SEC14L4: variants seen among roughly 807,000 people sequenced by gnomAD.
SEC14L4 encodes the protein SEC14 like lipid binding 4.
Under a neutral mutation model 55.1 loss-of-function variants are expected in SEC14L4, and 42 were observed. That is an observed-to-expected ratio of 0.76 (90% CI 0.60 to 0.99). The LOEUF (loss-of-function observed/expected upper bound fraction) is 0.99. Ranked by LOEUF, SEC14L4 falls within the 50% of genes least tolerant of loss-of-function variation. The pLI, the probability that SEC14L4 is intolerant of heterozygous loss-of-function variation, is 0.00. For synonymous variants in SEC14L4, 206 were observed against 206.8 expected, an observed-to-expected ratio of 1.00 and a Z score of 0.03; for missense variants, 445 against 512.1, an observed-to-expected ratio of 0.87 and a Z score of 1.27.
chr22:30,505,567 C>T lies in SEC14L4; in HGVS notation c.45G>A (p.Ala15=), dbSNP rs374188832. The T allele has an allele frequency of 1.3e-6, 2 of 1,568,868 alleles. No individual in the cohort carries two copies. The highest frequency in any genetic ancestry group is 8.6e-7 in the Non-Finnish European group (1 of 1,159,350). Residue 15 remains alanine (A), a synonymous_variant, in exon 1 of 12, where the codon GCG becomes GCA. Transcript: ENST00000255858. ...VGDLSPQQQE[A]LARFRENLQD... ...CCGCGATGCTCCTCACCCTGGCCAG[C>T]GCTTCCTGCTGCTGGGGGCTCAGGT...
intron 7 of SEC14L4, chr22:30,492,808 G>A (rs1265147055): frequency 2.3e-6 from 1 of 430,970 alleles, no homozygotes. Flanking sequence ...CTCAGGCCAG[G>A]CGCAGTGGCT....
At chr22:30,490,488 G>A (rs1935918470) in intron 11 of SEC14L4, among the ~76,000 whole-genome samples, 1 of 152,310 alleles carries the variant, frequency 6.6e-6, no homozygotes, top group Admixed American at 6.5e-5. Flanking sequence ...CTACATGAAG[G>A]AATCATGATG....
chr22:30,501,429 G>A (rs775980709), intron 2 of SEC14L4, among the ~76,000 whole-genome samples: 3 of 152,208 alleles, frequency 2.0e-5, no homozygotes, highest in Non-Finnish European at 4.4e-5. Context: ...TAAAGGAAGA[G>A]AGAGAGCTGA....
intron 11 of SEC14L4, among the ~76,000 whole-genome samples, chr22:30,490,591 G>A (rs890518264): frequency 6.6e-6 from 1 of 152,222 alleles, no homozygotes; most frequent in Non-Finnish European, 1.5e-5. Flanking sequence ...TGTGGCCCAC[G>A]GACACAGTAT....
Position 30,491,704 on chromosome 22 carries a change from C to T in SEC14L4, c.950G>A (p.Gly317Glu), listed in dbSNP as rs1935961278. 6.2e-7 allele frequency: 1 copy of T among 1,614,038 alleles called. No homozygotes were observed. The highest frequency in any genetic ancestry group is 1.3e-5 in the African/African-American group (1 of 74,908). The part of the protein sequence containing the change: ...FASDGGDIGF[G>E]VFLKTKMGEQ... Reference sequence around the variant, plus strand: ...CCCCATCTTGGTCTTCAGGAAAACCCCAAAGCCGATGTCCCCACCATCTGA... The same window carrying T: ...CCCCATCTTGGTCTTCAGGAAAACCTCAAAGCCGATGTCCCCACCATCTGA... Residue 317 changes from glycine (G) to glutamate (E), a missense_variant, in exon 11 of 12, where the codon GGG becomes GAG. Transcript: ENST00000255858.
rs77679347 is a variant in SEC14L4, at chr22:30,495,313, G to A, written c.364C>T (p.Arg122Trp). Residue 122 changes from arginine (R) to tryptophan (W), a missense_variant, in exon 5 of 12, where the codon CGG becomes TGG. Arg to Trp is a moderately radical substitution (Grantham distance 101, BLOSUM62 -3). Transcript: ENST00000255858. ...AGCTCACAGACTTTGATGCGCTTCC[G>A]GATCATATCCTGCTTGGAGGCTGAC... Reference protein sequence around the residue: ...LLSASKQDMIRKRIKVCELLL... With the variant: ...LLSASKQDMIWKRIKVCELLL... The A allele has an allele frequency of 0.01, 16,784 of 1,613,922 alleles. 126 individuals carry two copies. Among genetic ancestry groups the A allele is most frequent in the Middle Eastern group, 0.015 (90 of 6,060 alleles).
At chr22:30,490,618 C>T (rs1935922768) in intron 11 of SEC14L4, among the ~76,000 whole-genome samples, 1 of 152,218 alleles carries the variant, frequency 6.6e-6, no homozygotes, top group Admixed American at 6.5e-5. Flanking sequence ...ACTGCGTCCT[C>T]GCCTAGTTGC....
chr22:30,499,228 A>C (rs545414724), intron 2 of SEC14L4, among the ~76,000 whole-genome samples: 1 of 151,452 alleles, frequency 6.6e-6, no homozygotes, highest in Non-Finnish European at 1.5e-5. Flanking sequence ...ATTGGATTCT[A>C]CTACATAATA....
At position 30,495,423 on chromosome 22, in the gene SEC14L4, G is replaced by C; in HGVS notation, c.254C>G (p.Ser85Trp). 1 of 1,613,706 alleles carries C rather than the reference G, an allele frequency of 6.2e-7. No individual in the cohort carries two copies. Among genetic ancestry groups the C allele is most frequent in the South Asian group, 1.1e-5 (1 of 91,014 alleles). Residue 85 changes from serine (S) to tryptophan (W), a missense_variant, in exon 5 of 12, where the codon TCG (serine) becomes TGG (tryptophan). Coordinates refer to ENST00000255858, the MANE Select transcript of SEC14L4 (RefSeq NM_174977.4). ...GTAGTCGTAGCCACAAAGACCACCC[G>C]AGTCATACAGCTGGATGACCTGGAA... ...QPPEVIQLYD[S>W]GGLCGYDYEG...
At chr22:30,503,277 T>G (rs11702947) in intron 2 of SEC14L4, among the ~76,000 whole-genome samples, 25,483 of 151,752 alleles carry the variant, frequency 0.17, 2,629 homozygotes, top group East Asian at 0.46. Flanking sequence ...TGTTTTTTTT[T>G]TTTTGAGACG....
Position 30,497,958 on chromosome 22 carries a change from C to T in SEC14L4, c.131-1987G>A, listed in dbSNP as rs150085447. Among the ~76,000 whole-genome samples, 408 of 152,054 alleles carry T rather than the reference C, an allele frequency of 2.7e-3. 1 individual carries two copies. Among genetic ancestry groups the T allele is most frequent in the African/African-American group, 9.5e-3 (392 of 41,474 alleles). On this transcript the variant is annotated intron_variant, in intron 2 of 11. Coordinates refer to ENST00000255858, the MANE Select transcript of SEC14L4 (RefSeq NM_174977.4). ...ACCTGGAGTTTTAATTTAATTTAATCGTTACAGTTATATGTGGCTACAGGT... is the reference window on the plus strand; with the variant it reads ...ACCTGGAGTTTTAATTTAATTTAATTGTTACAGTTATATGTGGCTACAGGT...
At position 30,492,127 on chromosome 22, in the gene SEC14L4, G is replaced by A. The variant is rs145343277; in HGVS notation, c.693C>T (p.Phe231=). Residue 231 remains phenylalanine, a synonymous_variant, in exon 9 of 12, where the codon TTC becomes TTT. Transcript: ENST00000255858. The part of the protein sequence containing the change: ...GDNWKQELTK[F]ISPDQLPVEF... ...CCACAGGCAGCTGGTCGGGGCTGAT[G>A]AATTTTGTCAGCTCCTGCTTCCAGT... 675 of 1,613,612 alleles carry A rather than the reference G, an allele frequency of 4.2e-4. 2 individuals carry two copies. In the African/African-American group the frequency reaches 8.0e-3, roughly 19 times the overall value.
In SEC14L4 at chr22:30,491,914, C is replaced by A. The variant is rs575158416; in HGVS notation, c.831G>T (p.Gln277His). ...SYYLCEQVRL[Q>H]YEHTRSVGRG... is the part of the protein sequence containing the mutation. ...GGCCCACGGACCTCGTGTGCTCATA[C>A]TGCAGCCTCACCTGCTCGCACAGGT... The change falls in exon 10 of 12, where the codon CAG (glutamine) becomes CAT (histidine). Residue 277 changes from glutamine to histidine, a missense_variant. Transcript: ENST00000255858. 1.9e-6 allele frequency: 3 copies of A among 1,613,964 alleles called. No individual in the cohort carries two copies. Among genetic ancestry groups the A allele is most frequent in the Non-Finnish European group, 2.5e-6 (3 of 1,180,026 alleles).
intron 5 of SEC14L4, 114 bp from the exon 6 acceptor site, chr22:30,495,075 C>T (rs1038232471): frequency 1.5e-5 from 15 of 1,031,242 alleles, no homozygotes; most frequent in Non-Finnish European, 2.0e-5. Flanking sequence ...TGGCAGCCCA[C>T]AGCGTTTTCC....
Position 30,494,134 on chromosome 22 carries a change from C to T in SEC14L4, c.580+16G>A, listed in dbSNP as rs1420763340. The T allele has an allele frequency of 2.5e-6, 4 of 1,604,970 alleles. No individual in the cohort carries two copies. Among genetic ancestry groups the T allele is most frequent in the African/African-American group, 1.3e-5 (1 of 74,704 alleles). On this transcript the variant is annotated intron_variant, in intron 7 of 11. Transcript: ENST00000255858. ...GCTTCTCCCTCCCCAGGAGGTCATC[C>T]CGGTCATGGGCTTACCTCGAATAAC...
At chr22:30,498,606 GTTGA>G (rs1390175506) in intron 2 of SEC14L4, among the ~76,000 whole-genome samples, 1 of 152,134 alleles carries the variant, frequency 6.6e-6, no homozygotes, top group African/African-American at 2.4e-5. Flanking sequence ...AAACAGTAAT[GTTGA>G]TTGATTGATT....
At chr22:30,492,599 G>A in intron 7 of SEC14L4, 42 bp from the exon 8 acceptor site, 2 of 1,510,450 alleles carry the variant, frequency 1.3e-6, no homozygotes, top group Non-Finnish European at 1.8e-6. Flanking sequence ...GACCAGAAAG[G>A]ACGTGGGGAT....
At position 30,501,870 on chromosome 22, in the gene SEC14L4, TATATAC is replaced by T. The variant is rs1162475421; in HGVS notation, c.130+1801_130+1806del. Among the ~76,000 whole-genome samples the T allele has an allele frequency of 1.6e-4, 23 of 143,842 alleles. 1 individual carries two copies. The highest frequency in any genetic ancestry group is 3.5e-4 in the Admixed American group (5 of 14,220). 94.4% of individuals were successfully genotyped at this position (143,842 alleles called of 152,430 possible). Reference sequence around the variant, plus strand: ...ACATATATATATATATATATATATATATATACATACACATACTTTTTTTTTTAAGAC... The same window carrying T: ...ACATATATATATATATATATATATATATACACATACTTTTTTTTTTAAGAC... On this transcript the variant is annotated intron_variant, in intron 2 of 11. Transcript: ENST00000255858.
intron 2 of SEC14L4, among the ~76,000 whole-genome samples, chr22:30,497,913 C>T (rs966189445): frequency 2.6e-5 from 4 of 152,034 alleles, no homozygotes; most frequent in Non-Finnish European, 5.9e-5. Flanking sequence ...GCAATAGAAA[C>T]GTGGCAAGTG....
Sources: gnomAD v4.1 joint callset for allele counts (sites outside exome capture counted in the v4.1 genomes callset) on GRCh38, gnomAD v4.1.1 for gene constraint, MANE v1.5 for transcripts, NCBI Gene and HGNC (gene_info 2026-07-23, HGNC 2026-07-21) for gene names.